OTOG: variants seen among roughly 807,000 people sequenced by gnomAD.
OTOG encodes otogelin.
OTOG carries 296 observed loss-of-function variants against 313.8 expected under a neutral mutation model. That is an observed-to-expected ratio of 0.94 (90% CI 0.86 to 1.04). OTOG has a LOEUF of 1.04. OTOG is among the 50% of genes least tolerant of loss of function. The pLI is 0.00. For missense variants in OTOG, 3,948 were observed against 3,840.1 expected (o/e 1.03, Z -0.74); for synonymous variants, 1,533 against 1,554.9 (o/e 0.99, Z 0.33).
In OTOG at chr11:17,553,420, C is replaced by A; in HGVS notation, c.441C>A (p.His147Gln). 6.8e-7 allele frequency: 1 copy of A among 1,473,448 alleles called. No homozygotes were observed. Among genetic ancestry groups the A allele is most frequent in the Non-Finnish European group, 9.0e-7 (1 of 1,109,862 alleles). The allele number at this position is 1,473,448 out of a possible 1,614,324, so 91.3% of individuals were successfully genotyped here. A position where few individuals can be genotyped will look rare whatever the true frequency, so the allele number is the denominator to read the frequency against. The stretch of plus-strand genomic sequence containing the variant: ...TTTGCCGGGCGTGGGGGCAGCACCA[C>A]GTGGAGACATTTGATGGGCTCTACT... ...DSICRAWGQH[H>Q]VETFDGLYYY... is the part of the protein sequence containing the mutation. The change falls in exon 6 of 56, where the codon CAC becomes CAA. Residue 147 changes from histidine to glutamine, a missense_variant. His to Gln is a conservative substitution (Grantham distance 24, BLOSUM62 0). Coordinates refer to ENST00000399397, the MANE Select transcript of OTOG (RefSeq NM_001292063.2).
intron 54 of OTOG, among the ~76,000 whole-genome samples, chr11:17,644,651 C>G (rs950409514): frequency 6.6e-6 from 1 of 152,068 alleles, no homozygotes; most frequent in African/African-American, 2.4e-5. Flanking sequence ...AAGAAGAATA[C>G]AAAATGTACA....
chr11:17,615,983 T>C (rs1391884899), intron 39 of OTOG, among the ~76,000 whole-genome samples: 1 of 152,218 alleles, frequency 6.6e-6, no homozygotes, highest in Non-Finnish European at 1.5e-5. Context: ...GTCCTATTAA[T>C]CTATCCTTTC....
chr11:17,552,203 C>T (rs1002595418), intron 4 of OTOG, 128 bp downstream of exon 4: 6 of 901,030 alleles, frequency 6.7e-6, no homozygotes, highest in Non-Finnish European at 1.0e-5. Context: ...TTGGCATCTC[C>T]TTCCACCCAC....
chr11:17,593,974 C>G, intron 27 of OTOG, 73 bp from the exon 28 acceptor site: 6 of 1,535,766 alleles, frequency 3.9e-6, no homozygotes, highest in Non-Finnish European at 5.3e-6. Flanking sequence ...CTCCTGGGCT[C>G]ATGGTGACCC....
Position 17,591,580 on chromosome 11 carries a change from C to T in OTOG, c.2998C>T (p.Leu1000=). 1 of 1,550,582 alleles carries T rather than the reference C, an allele frequency of 6.4e-7. No individual in the cohort carries two copies. The highest frequency in any genetic ancestry group is 8.7e-7 in the Non-Finnish European group (1 of 1,147,014). ...CTTCGTGGGGGCATGCAAAGTGCAC[C>T]TGGTCAAGGTGAGTTCCCGGATGTT... ...FDFVGACKVH[L]VKSTSDVSFS... Residue 1000 remains leucine (L), a synonymous_variant, in exon 25 of 56, where the codon CTG becomes TTG. Coordinates refer to ENST00000399397, the MANE Select transcript of OTOG (RefSeq NM_001292063.2).
At chr11:17,547,568 G>A in intron 1 of OTOG, 102 bp downstream of exon 1, 1 of 1,276,846 alleles carries the variant, frequency 7.8e-7, no homozygotes, top group Non-Finnish European at 9.9e-7. Context: ...GGAGGAAAGA[G>A]AGGTTTGAGG....
chr11:17,587,921 C>G (rs546585607), intron 24 of OTOG, among the ~76,000 whole-genome samples: 11 of 152,308 alleles, frequency 7.2e-5, no homozygotes, highest in Admixed American at 3.9e-4. Context: ...ACTTCCATCA[C>G]TTCCCTGGAC....
At position 17,612,624 on chromosome 11, in the gene OTOG, G is replaced by A; in HGVS notation, c.6297G>A (p.Arg2099=). The part of the protein sequence containing the change: ...RCCPLWECAC[R]CSIFPDLSFV... ...TGTGCCCTGCCCCTCCCCCAGGCCG[G>A]TGCTCAATCTTCCCTGACCTGAGCT... Residue 2099 remains arginine (R), a synonymous_variant, in exon 38 of 56, where the codon CGG becomes CGA. Coordinates refer to ENST00000399397, the MANE Select transcript of OTOG (RefSeq NM_001292063.2). 1 of 1,550,128 alleles carries A rather than the reference G, an allele frequency of 6.5e-7. No homozygotes were observed. Among genetic ancestry groups the A allele is most frequent in the Non-Finnish European group, 8.7e-7 (1 of 1,146,730 alleles).
At chr11:17,635,974 CAAATACTTGG>C (rs1227654756) in intron 47 of OTOG, among the ~76,000 whole-genome samples, 1 of 152,166 alleles carries the variant, frequency 6.6e-6, no homozygotes, top group Non-Finnish European at 1.5e-5. Flanking sequence ...GGTTGAAGGA[CAAATACTTGG>C]GTCCCTCCAT....
chr11:17,561,866 A>G (rs1180324067), intron 15 of OTOG, 59 bp downstream of exon 15: 1 of 1,541,372 alleles, frequency 6.5e-7, no homozygotes, highest in South Asian at 1.2e-5. Context: ...ACTGCCCCCA[A>G]GAGAGACTGG....
intron 23 of OTOG, among the ~76,000 whole-genome samples, chr11:17,586,162 A>G (rs957772797): frequency 1.3e-5 from 2 of 152,198 alleles, no homozygotes; most frequent in Admixed American, 6.5e-5. Context: ...GTTCATTAGT[A>G]TACAACTAGT....
intron 33 of OTOG, 127 bp downstream of exon 33, chr11:17,606,262 G>A (rs1211528157): frequency 1.6e-6 from 2 of 1,239,690 alleles, no homozygotes; most frequent in Non-Finnish European, 1.1e-6. Flanking sequence ...CTGGCACAGG[G>A]GCCACATGGG....
intron 6 of OTOG, among the ~76,000 whole-genome samples, chr11:17,553,977 G>A (rs925780263): frequency 8.5e-5 from 13 of 152,236 alleles, no homozygotes; most frequent in Non-Finnish European, 1.8e-4. Context: ...GAAGGATGGT[G>A]ACCTGGGAAA....
intron 54 of OTOG, 147 bp from the exon 55 acceptor site, chr11:17,645,417 C>G (rs1210502514): frequency 5.4e-6 from 4 of 736,806 alleles, no homozygotes; most frequent in Admixed American, 2.8e-5. Flanking sequence ...AAGGCTTTCC[C>G]TGGATGGGGA....
chr11:17,585,560 C>T (rs1263871561), intron 23 of OTOG, among the ~76,000 whole-genome samples: 1 of 152,108 alleles, frequency 6.6e-6, no homozygotes, highest in Non-Finnish European at 1.5e-5. Context: ...ATTTAGTTTG[C>T]TCTTGTATTT....
chr11:17,549,199 G>C (rs1411233288), intron 3 of OTOG, among the ~76,000 whole-genome samples: 1 of 152,162 alleles, frequency 6.6e-6, no homozygotes, highest in Non-Finnish European at 1.5e-5. Context: ...CTACAGATGA[G>C]CTATAAGTTC....
chr11:17,621,693 G>A (rs1024364932), intron 39 of OTOG, among the ~76,000 whole-genome samples: 1 of 152,084 alleles, frequency 6.6e-6, no homozygotes, highest in Non-Finnish European at 1.5e-5. Flanking sequence ...GAAACCACCA[G>A]GCTCTACCTG....
intron 24 of OTOG, among the ~76,000 whole-genome samples, chr11:17,587,053 C>T (rs375946686): frequency 2.6e-5 from 4 of 152,280 alleles, no homozygotes; most frequent in African/African-American, 9.6e-5. Flanking sequence ...AAAATGTGTG[C>T]ACATGTATGT....
chr11:17,561,006 T>TGGGG lies in OTOG; in HGVS notation c.1452-84_1452-83insGGGG, dbSNP rs983559140. 5.6e-6 allele frequency: 8 copies of TGGGG among 1,434,306 alleles called. No individual in the cohort carries two copies. In the Admixed American group the frequency reaches 5.9e-5, roughly 11 times the overall value. The allele number at this position is 1,434,306 out of a possible 1,614,324, so 88.8% of individuals were successfully genotyped here. On this transcript the variant is annotated intron_variant, in intron 13 of 55. Coordinates refer to ENST00000399397, the MANE Select transcript of OTOG (RefSeq NM_001292063.2). ...CCACCCATTTTAGAGATGGGAAGAC[T>TGGGG]GAGGGCTGTGGGCCCTGCAGTTTCC...
Sources: gnomAD v4.1 joint callset for allele counts (sites outside exome capture counted in the v4.1 genomes callset) on GRCh38, gnomAD v4.1.1 for gene constraint, MANE v1.5 for transcripts, NCBI Gene and HGNC (gene_info 2026-07-23, HGNC 2026-07-21) for gene names.